NOTCH4: variants seen among roughly 807,000 people sequenced by gnomAD.
NOTCH4 encodes the protein neurogenic locus notch homolog protein 4.
In NOTCH4, 138 loss-of-function variants were observed where a neutral mutation model predicts 189.0. The ratio of observed to expected loss-of-function variants is 0.73; its 90% confidence interval spans 0.64 to 0.84. The LOEUF is 0.84. NOTCH4 is among the 40% of genes least tolerant of loss of function. NOTCH4 has a pLI of 0.00. For missense variants in NOTCH4, 2,286 were observed against 2,605.4 expected (o/e 0.88, Z 2.67); for synonymous variants, 942 against 1,032.8 (o/e 0.91, Z 1.69).
At chr6:32,213,037 TG>T in intron 15 of NOTCH4, 97 bp downstream of exon 15, 2 of 1,225,790 alleles carry the variant, frequency 1.6e-6, no homozygotes, top group Non-Finnish European at 2.4e-6. Context: ...GAACGAGGTG[TG>T]GGGTGGGAGG....
At position 32,212,660 on chromosome 6, in the gene NOTCH4, T is replaced by C. The variant is rs773484350; in HGVS notation, c.2527-33A>G. ...GTGGGAGGGAGCGTGAGGCAGGACA[T>C]AGCATCAGATTCTCAGCCCAGAGAT... is the stretch of plus-strand genomic sequence containing the variant. On this transcript the variant is annotated intron_variant, in intron 16 of 29. Coordinates refer to ENST00000375023, the MANE Select transcript of NOTCH4 (RefSeq NM_004557.4). The surrounding 1 kb of genome is among the most constrained non-coding windows in gnomAD (Gnocchi z 4.4). 6.3e-7 allele frequency: 1 copy of C among 1,587,440 alleles called. No homozygotes were observed. Among genetic ancestry groups the C allele is most frequent in the African/African-American group, 1.3e-5 (1 of 74,482 alleles).
Position 32,210,768 on chromosome 6 carries a change from C to G in NOTCH4, c.2849G>C (p.Ser950Thr). The G allele has an allele frequency of 6.2e-7, 1 of 1,612,718 alleles. No individual in the cohort carries two copies. The highest frequency in any genetic ancestry group is 8.5e-7 in the Non-Finnish European group (1 of 1,180,034). Residue 950 changes from serine to threonine, a missense_variant, in exon 18 of 30, where the codon AGT becomes ACT. Ser to Thr is a moderately conservative substitution (Grantham distance 58). Around this residue, in one of 2 missense-constraint regions of NOTCH4, gnomAD observed 1,903 missense variants for 2,261.9 expected, o/e 0.84. Transcript: ENST00000375023. This position sits in a 1 kb window ranked among gnomAD's most constrained non-coding sequence, Gnocchi z 4.8. ...QNGATCMAQP[S>T]GYLCQCAPGY... is the part of the protein sequence containing the mutation. ...CCCTCTCACCTGGCAGAGATACCCA[C>G]TGGGCTGGGCCATGCAGGTGGCCCC...
At chr6:32,216,699 G>A in intron 11 of NOTCH4, 1 of 600,082 alleles carries the variant, frequency 1.7e-6, no homozygotes, top group Non-Finnish European at 3.0e-6. Flanking sequence ...TTTTCTTTGA[G>A]CCCCGTCCTC....
chr6:32,213,599 TA>T, intron 14 of NOTCH4, 88 bp downstream of exon 14: 1 of 1,479,762 alleles, frequency 6.8e-7, no homozygotes, highest in Non-Finnish European at 9.2e-7. Context: ...TCTGTTCAAT[TA>T]AATTTTAAAA....
In NOTCH4 at chr6:32,204,139, G is replaced by A. The variant is rs1217275889; in HGVS notation, c.3116C>T (p.Thr1039Ile). The A allele has an allele frequency of 6.2e-6, 10 of 1,612,468 alleles. No individual in the cohort carries two copies. In the Admixed American group the frequency reaches 1.3e-4, roughly 22 times the overall value. ...TGCCCCTTGTCTTGGGGCCTCACCTGTGTGTCCAGGCAGACACTGGCAGTA... is the reference window on the plus strand; with the variant it reads ...TGCCCCTTGTCTTGGGGCCTCACCTATGTGTCCAGGCAGACACTGGCAGTA... ...AFYCQCLPGH[T>I]GQWCEVEIDP... Residue 1039 changes from threonine to isoleucine, a missense_variant and splice_region_variant, in exon 19 of 30, where the codon ACA (threonine) becomes ATA (isoleucine). Around this residue, in one of 2 missense-constraint regions of NOTCH4, gnomAD observed 1,903 missense variants for 2,261.9 expected, o/e 0.84. Transcript: ENST00000375023.
chr6:32,221,401 T>C lies in NOTCH4; in HGVS notation c.452-76A>G. 5 of 1,030,416 alleles carry C rather than the reference T, an allele frequency of 4.9e-6. No individual in the cohort carries two copies. The highest frequency in any genetic ancestry group is 7.2e-6 in the Non-Finnish European group (5 of 694,704). 63.8% of individuals were successfully genotyped at this position (1,030,416 alleles called of 1,614,324 possible). A position where few individuals can be genotyped will look rare whatever the true frequency, so the allele number is the denominator to read the frequency against. ...CCATCTGAGGTTACCCAGTGCTCAC[T>C]CTGGATTATCTCTGGGTCTCATTTT... On this transcript the variant is annotated intron_variant, in intron 3 of 29. Coordinates refer to ENST00000375023, the MANE Select transcript of NOTCH4 (RefSeq NM_004557.4). This position sits in a 1 kb window ranked among gnomAD's most constrained non-coding sequence, Gnocchi z 4.3.
chr6:32,221,217 T>A lies in NOTCH4; in HGVS notation c.560A>T (p.Glu187Val). The A allele has an allele frequency of 6.2e-7, 1 of 1,613,050 alleles. No individual in the cohort carries two copies. Among genetic ancestry groups the A allele is most frequent in the Non-Finnish European group, 8.5e-7 (1 of 1,180,014 alleles). ...GACATCACGTTCACAGGCATGGCCC[T>A]CGAAGCCCGGTGGGCAGTGGCACTG... is the stretch of plus-strand genomic sequence containing the variant. Reference protein sequence around the residue: ...QIQCHCPPGFEGHACERDVNE... With the variant: ...QIQCHCPPGFVGHACERDVNE... Residue 187 changes from glutamate (E) to valine (V), a missense_variant, in exon 4 of 30, where the codon GAG (glutamate) becomes GTG (valine). Glu to Val is a moderately radical substitution (Grantham distance 121). Coordinates refer to ENST00000375023, the MANE Select transcript of NOTCH4 (RefSeq NM_004557.4). The surrounding 1 kb of genome is among the most constrained non-coding windows in gnomAD (Gnocchi z 4.3).
At chr6:32,222,960 C>T in intron 2 of NOTCH4, 45 bp downstream of exon 2, 3 of 1,576,068 alleles carry the variant, frequency 1.9e-6, no homozygotes. Context: ...CCTGCTCTCC[C>T]TCCCCCTTTC....
Position 32,219,755 on chromosome 6 carries a change from G to T in NOTCH4, c.1347C>A (p.Gly449=). 1 of 1,612,734 alleles carries T rather than the reference G, an allele frequency of 6.2e-7. No individual in the cohort carries two copies. Among genetic ancestry groups the T allele is most frequent in the Non-Finnish European group, 8.5e-7 (1 of 1,179,826 alleles). ...AQQGPSPCEH[G]GSCLNTPGSF... ...AGCCAGGAGTGTTGAGGCAGGAACC[G>T]CCATGTTCACAGGGACTTGGGCCTT... Residue 449 remains glycine, a synonymous_variant, in exon 8 of 30, where the codon GGC becomes GGA. Coordinates refer to ENST00000375023, the MANE Select transcript of NOTCH4 (RefSeq NM_004557.4).
chr6:32,195,368 C>T lies in NOTCH4; in HGVS notation c.*69G>A, dbSNP rs765980467. The T allele has an allele frequency of 3.9e-4, 561 of 1,445,454 alleles. No homozygotes were observed. Among genetic ancestry groups the T allele is most frequent in the Middle Eastern group, 5.5e-4 (3 of 5,484 alleles). The allele number at this position is 1,445,454 out of a possible 1,614,324, so 89.5% of individuals were successfully genotyped here. ...CATTTTGGGGGATCCATCTTAAAAC[C>T]AGGAAGGCCTTCCAGCCTGCCTTTT... On this transcript the variant is annotated 3_prime_UTR_variant, in exon 30 of 30. Transcript: ENST00000375023. The surrounding 1 kb of genome is among the most constrained non-coding windows in gnomAD (Gnocchi z 5.4).
At chr6:32,216,813 A>C in intron 11 of NOTCH4, 132 bp downstream of exon 11, 2 of 1,137,458 alleles carry the variant, frequency 1.8e-6, no homozygotes, top group Non-Finnish European at 2.7e-6. Flanking sequence ...GTTTTACACT[A>C]AATAACTTTA....
rs1468276801 is a variant in NOTCH4, at chr6:32,199,171, G to A, written c.4316-26C>T. On this transcript the variant is annotated intron_variant, in intron 23 of 29. Coordinates refer to ENST00000375023, the MANE Select transcript of NOTCH4 (RefSeq NM_004557.4). The surrounding 1 kb of genome is among the most constrained non-coding windows in gnomAD (Gnocchi z 4.9). ...CTGGTGGGAGAGACAGAGTCACAAA[G>A]AGAGGCCACTCCTGGTGAGACTGAT... The A allele has an allele frequency of 2.6e-6, 4 of 1,520,952 alleles. No individual in the cohort carries two copies. The highest frequency in any genetic ancestry group is 3.6e-6 in the Non-Finnish European group (4 of 1,126,032). The allele number at this position is 1,520,952 out of a possible 1,614,324, so 94.2% of individuals were successfully genotyped here. A position where few individuals can be genotyped will look rare whatever the true frequency, so the allele number is the denominator to read the frequency against.
In NOTCH4 at chr6:32,220,536, C is replaced by G. The variant is rs1789690491; in HGVS notation, c.1028G>C (p.Cys343Ser). ...GCTTGTGCCGCCCCAGCCACTCACA[C>G]ACACGCAGTGAAAGCTACCAGCAGA... ...QNSAGSFHCV[C>S]VSGWGGTSCE... The change falls in exon 6 of 30, where the codon TGT (cysteine) becomes TCT (serine). Residue 343 changes from cysteine (C) to serine (S), a missense_variant. Transcript: ENST00000375023. The G allele has an allele frequency of 1.2e-6, 2 of 1,613,680 alleles. No homozygotes were observed. The highest frequency in any genetic ancestry group is 1.7e-5 in the Admixed American group (1 of 60,008).
Position 32,201,918 on chromosome 6 carries a change from G to T in NOTCH4, c.3755+158C>A. ...TGCCACCCCATTACCCTAGGTTGGA[G>T]TCCAGAGTCTTCGACCCCTGTTTAG... On this transcript the variant is annotated intron_variant, in intron 21 of 29. Transcript: ENST00000375023. The surrounding 1 kb of genome is among the most constrained non-coding windows in gnomAD (Gnocchi z 5.5). 1 of 599,946 alleles carries T rather than the reference G, an allele frequency of 1.7e-6. No individual in the cohort carries two copies. Among genetic ancestry groups the T allele is most frequent in the East Asian group, 3.3e-5 (1 of 30,460 alleles). 37.2% of individuals were successfully genotyped at this position (599,946 alleles called of 1,614,324 possible). A position where few individuals can be genotyped will look rare whatever the true frequency, so the allele number is the denominator to read the frequency against.
chr6:32,197,232 G>T lies in NOTCH4; in HGVS notation c.5052+67C>A. 3 of 1,515,902 alleles carry T rather than the reference G, an allele frequency of 2.0e-6. No individual in the cohort carries two copies. In the South Asian group the frequency reaches 3.8e-5, roughly 19 times the overall value. The allele number at this position is 1,515,902 out of a possible 1,614,324, so 93.9% of individuals were successfully genotyped here. A position where few individuals can be genotyped will look rare whatever the true frequency, so the allele number is the denominator to read the frequency against. ...ATTTCCTCCTTGTCAAACTCTAGGG[G>T]ATGCTTCTGTCCAGCTTTACTTGTA... On this transcript the variant is annotated intron_variant, in intron 27 of 29. Coordinates refer to ENST00000375023, the MANE Select transcript of NOTCH4 (RefSeq NM_004557.4).
chr6:32,202,031 C>T lies in NOTCH4; in HGVS notation c.3755+45G>A. The T allele has an allele frequency of 7.0e-7, 1 of 1,427,390 alleles. No homozygotes were observed. The highest frequency in any genetic ancestry group is 9.2e-7 in the Non-Finnish European group (1 of 1,083,064). 88.4% of individuals were successfully genotyped at this position (1,427,390 alleles called of 1,614,324 possible). ...CCATCTACGTCCTTCCTCCTCCTCT[C>T]ACCCACCCCTCTCCTTCCCTGGCTC... On this transcript the variant is annotated intron_variant, in intron 21 of 29. Transcript: ENST00000375023. This position sits in a 1 kb window ranked among gnomAD's most constrained non-coding sequence, Gnocchi z 5.7.
intron 28 of NOTCH4, 98 bp downstream of exon 28, chr6:32,196,827 G>C: frequency 6.9e-7 from 1 of 1,451,206 alleles, no homozygotes; most frequent in Non-Finnish European, 9.5e-7. Context: ...AGCAGGATGA[G>C]AGGGAATGCC....
At chr6:32,222,045 C>T (rs1297841753) in intron 3 of NOTCH4, among the ~76,000 whole-genome samples, 4 of 152,132 alleles carry the variant, frequency 2.6e-5, no homozygotes, top group African/African-American at 4.8e-5. Context: ...CCTCCTGGGG[C>T]GGCCCCCAAT....
In NOTCH4 at chr6:32,219,860, G is replaced by T. The variant is rs8192589; in HGVS notation, c.1316-74C>A. 0.12 allele frequency: 155,873 copies of T among 1,278,322 alleles called. 10,770 individuals carry two copies. The highest frequency in any genetic ancestry group is 0.14 in the Non-Finnish European group (127,232 of 912,782). 79.2% of individuals were successfully genotyped at this position (1,278,322 alleles called of 1,614,324 possible). On this transcript the variant is annotated intron_variant, in intron 7 of 29. Transcript: ENST00000375023. ...GCAAGGAGGTGAGACTGTCAGGGAA[G>T]GTGTGGGGGCCTGCGTGTGGCAGAC...
Sources: gnomAD v4.1 joint callset for allele counts (sites outside exome capture counted in the v4.1 genomes callset) on GRCh38, gnomAD v4.1.1 for gene constraint, gnomAD v4.1.1 regional missense constraint, Gnocchi (gnomAD v3.1) non-coding constraint, MANE v1.5 for transcripts, NCBI Gene and HGNC (gene_info 2026-07-23, HGNC 2026-07-21) for gene names.